Variants in COL13A1 observed in about 807,000 individuals in gnomAD.
COL13A1 encodes the protein collagen alpha-1(XIII) chain.
COL13A1 carries 89 observed loss-of-function variants against 130.9 expected under a neutral mutation model. That is an observed-to-expected ratio of 0.68 (90% CI 0.57 to 0.81). The LOEUF is 0.81. COL13A1 is among the 30% of genes least tolerant of loss of function. The pLI is 0.00. For synonymous variants in COL13A1, 402 were observed against 341.6 expected, an observed-to-expected ratio of 1.18 and a Z score of -1.95; for missense variants, 879 against 934.6, an observed-to-expected ratio of 0.94 and a Z score of 0.78.
intron 2 of COL13A1, chr10:69,829,341 C>T: frequency 1.2e-6 from 1 of 825,642 alleles, no homozygotes; most frequent in Non-Finnish European, 1.5e-6. Context: ...CAGTACTTTC[C>T]ATCACCCTTA....
intron 7 of COL13A1, among the ~76,000 whole-genome samples, chr10:69,882,683 A>G (rs2060257722): frequency 6.6e-6 from 1 of 152,238 alleles, no homozygotes; most frequent in East Asian, 1.9e-4. Flanking sequence ...ACCCTGTTCC[A>G]TGTTTGAAAC....
Position 69,802,293 on chromosome 10 carries a change from G to A in COL13A1, c.-131G>A. On this transcript the variant is annotated 5_prime_UTR_variant, in exon 1 of 41. Transcript: ENST00000645393. ...TTTTCCGTCCTCTTTGCCGGGAGCA[G>A]CGGAAAGGGACGTTTTCCAGCGATA... The A allele has an allele frequency of 9.0e-7, 1 of 1,108,064 alleles. No homozygotes were observed. Among genetic ancestry groups the A allele is most frequent in the East Asian group, 3.2e-5 (1 of 31,176 alleles). The allele number at this position is 1,108,064 out of a possible 1,614,324, so 68.6% of individuals were successfully genotyped here.
At position 69,806,677 on chromosome 10, in the gene COL13A1, G is replaced by A. The variant is rs533197809; in HGVS notation, c.294+3960G>A. ...AGATGACACCTAGGACTGGGCAGCC[G>A]TGTGCAGTGAATGAGAAGGGAGTGG... On this transcript the variant is annotated intron_variant, in intron 1 of 40. Coordinates refer to ENST00000645393, the MANE Select transcript of COL13A1 (RefSeq NM_001368882.1). 5.3e-5 allele frequency among the ~76,000 whole-genome samples: 8 copies of A among 152,322 alleles called. No homozygotes were observed. In the East Asian group the frequency reaches 5.8e-4, roughly 11 times the overall value.
intron 38 of COL13A1, among the ~76,000 whole-genome samples, chr10:69,947,701 G>C (rs2068765648): frequency 6.6e-6 from 1 of 152,218 alleles, no homozygotes; most frequent in Admixed American, 6.5e-5. Flanking sequence ...CTTGCCCTCT[G>C]AAACTTGGTT....
chr10:69,914,896 C>T lies in COL13A1; in HGVS notation c.922-2393C>T, dbSNP rs142368609. Among the ~76,000 whole-genome samples, 473 of 152,298 alleles carry T rather than the reference C, an allele frequency of 3.1e-3. 5 individuals are homozygous for T. The highest frequency in any genetic ancestry group is 0.011 in the African/African-American group (463 of 41,578). On this transcript the variant is annotated intron_variant, in intron 17 of 40. Coordinates refer to ENST00000645393, the MANE Select transcript of COL13A1 (RefSeq NM_001368882.1). ...GCTTTTCTGGGCATCCTGCGCTGAG[C>T]GGCCCCCACACTCTGACCCCTGCAC... is the stretch of plus-strand genomic sequence containing the variant.
Position 69,904,900 on chromosome 10 carries a change from T to C in COL13A1, c.859-33T>C, listed in dbSNP as rs1159376382. 2.6e-6 allele frequency: 4 copies of C among 1,534,294 alleles called. No individual in the cohort carries two copies. The African/African-American group carries it at 4.3e-5, about 17-fold the overall frequency. On this transcript the variant is annotated intron_variant, in intron 15 of 40. Coordinates refer to ENST00000645393, the MANE Select transcript of COL13A1 (RefSeq NM_001368882.1). ...CCAACCAGCTCTACTCACCTTTTCT[T>C]TTTTCTTTTTTTTTTTTTTTTTGCT...
intron 17 of COL13A1, among the ~76,000 whole-genome samples, chr10:69,907,686 A>T (rs192721145): frequency 6.6e-6 from 1 of 151,690 alleles, no homozygotes; most frequent in East Asian, 1.9e-4. Context: ...TAACTAACCC[A>T]CTCTCACAAT....
intron 13 of COL13A1, among the ~76,000 whole-genome samples, chr10:69,898,122 C>T (rs1368793982): frequency 1.3e-5 from 2 of 152,174 alleles, no homozygotes; most frequent in African/African-American, 2.4e-5. Flanking sequence ...TGCCCTTGAC[C>T]ACCCTCCCCA....
At chr10:69,880,712 G>C (rs889564478) in intron 7 of COL13A1, among the ~76,000 whole-genome samples, 159 bp downstream of exon 7, 1 of 152,210 alleles carries the variant, frequency 6.6e-6, no homozygotes, top group South Asian at 2.1e-4. Flanking sequence ...CTCGGGTGCC[G>C]ATGTTGATGT....
Position 69,802,325 on chromosome 10 carries a change from CT to C in COL13A1, c.-96del. The stretch of plus-strand genomic sequence containing the variant: ...GGGACGTTTTCCAGCGATACAAGCC[CT>C]TTCCCCCTGCCCCGCAGTTTGGATA... On this transcript the variant is annotated 5_prime_UTR_variant, in exon 1 of 41. Coordinates refer to ENST00000645393, the MANE Select transcript of COL13A1 (RefSeq NM_001368882.1). 7.7e-7 allele frequency: 1 copy of C among 1,295,132 alleles called. No individual in the cohort carries two copies. Among genetic ancestry groups the C allele is most frequent in the Non-Finnish European group, 9.9e-7 (1 of 1,005,544 alleles). The allele number at this position is 1,295,132 out of a possible 1,614,324, so 80.2% of individuals were successfully genotyped here. A position where few individuals can be genotyped will look rare whatever the true frequency, so the allele number is the denominator to read the frequency against.
chr10:69,869,663 G>A (rs1029661853), intron 3 of COL13A1, among the ~76,000 whole-genome samples: 1 of 152,198 alleles, frequency 6.6e-6, no homozygotes, highest in African/African-American at 2.4e-5. Flanking sequence ...TCATGCCCCT[G>A]GCAGACATTG....
chr10:69,930,439 C>T lies in COL13A1; in HGVS notation c.1570C>T (p.Pro524Ser), dbSNP rs1565099441. 1.2e-6 allele frequency: 2 copies of T among 1,613,538 alleles called. No homozygotes were observed. Among genetic ancestry groups the T allele is most frequent in the East Asian group, 2.2e-5 (1 of 44,866 alleles). Residue 524 changes from proline to serine, a missense_variant, in exon 30 of 41, where the codon CCC becomes TCC. Physicochemically the swap from Pro to Ser is moderately conservative, Grantham distance 74 (BLOSUM62 -1). Around this residue, in one of 3 missense-constraint regions of COL13A1, gnomAD observed 715 missense variants for 721.0 expected, o/e 0.99. Coordinates refer to ENST00000645393, the MANE Select transcript of COL13A1 (RefSeq NM_001368882.1). ...ACCAGGAGACATGGGCCCTCCTGGT[C>T]CCCAAGGCCCCCCAGGAAAGGATGG... Reference protein sequence around the residue: ...GKPGDMGPPGPQGPPGKDGPP... With the variant: ...GKPGDMGPPGSQGPPGKDGPP...
At chr10:69,881,556 T>C (rs1236525966) in intron 7 of COL13A1, among the ~76,000 whole-genome samples, 2 of 151,828 alleles carry the variant, frequency 1.3e-5, no homozygotes, top group African/African-American at 4.8e-5. Context: ...TTGTGGCGAG[T>C]GCAGGGAGCT....
At chr10:69,895,409 G>C in intron 12 of COL13A1, 141 bp from the exon 13 acceptor site, 1 of 869,212 alleles carries the variant, frequency 1.2e-6, no homozygotes, top group Non-Finnish European at 1.9e-6. Flanking sequence ...TTCTGCCTCA[G>C]AGGGCTCAGA....
rs2067531516 is a variant in COL13A1, at chr10:69,940,887, G to A, written c.1879-101G>A. 12 of 1,494,930 alleles carry A rather than the reference G, an allele frequency of 8.0e-6. No individual in the cohort carries two copies. In the South Asian group the frequency reaches 1.2e-4, roughly 14 times the overall value. 92.6% of individuals were successfully genotyped at this position (1,494,930 alleles called of 1,614,324 possible). On this transcript the variant is annotated intron_variant, in intron 34 of 40. Transcript: ENST00000645393. ...GATTACCAGCATTTATGTCTGTCCAGAGTCACTGCTTTACTCACCTCTTCC... is the reference window on the plus strand; with the variant it reads ...GATTACCAGCATTTATGTCTGTCCAAAGTCACTGCTTTACTCACCTCTTCC...
chr10:69,880,214 G>C (rs2059993123), intron 6 of COL13A1, among the ~76,000 whole-genome samples: 1 of 152,080 alleles, frequency 6.6e-6, no homozygotes, highest in Non-Finnish European at 1.5e-5. Context: ...CCCATGTCCT[G>C]TGTTCTCACT....
At chr10:69,833,051 C>G (rs144453437) in intron 2 of COL13A1, among the ~76,000 whole-genome samples, 30 of 152,306 alleles carry the variant, frequency 2.0e-4, no homozygotes, top group African/African-American at 7.2e-4. Context: ...GCCTGGTCAC[C>G]TCTCCCTGTC....
At chr10:69,804,900 G>A (rs1381518699) in intron 1 of COL13A1, among the ~76,000 whole-genome samples, 1 of 147,732 alleles carries the variant, frequency 6.8e-6, no homozygotes. Context: ...AACATTGTCT[G>A]ATGGTGGTGG....
At chr10:69,837,201 G>A (rs546764746) in intron 2 of COL13A1, among the ~76,000 whole-genome samples, 5 of 152,200 alleles carry the variant, frequency 3.3e-5, no homozygotes, top group East Asian at 1.9e-4. Flanking sequence ...CGGGGTGTTC[G>A]GGAATCTGGA....
Sources: allele counts gnomAD v4.1 joint callset (sites outside exome capture counted in the v4.1 genomes callset), GRCh38; gene constraint gnomAD v4.1.1; regional missense constraint gnomAD v4.1.1; transcripts MANE v1.5; gene names NCBI Gene and HGNC (gene_info 2026-07-23, HGNC 2026-07-21).